CACNA1C: variants seen among roughly 807,000 people sequenced by gnomAD.
The protein encoded by CACNA1C is voltage-dependent L-type calcium channel subunit alpha-1C.
CACNA1C carries 30 observed loss-of-function variants against 229.0 expected under a neutral mutation model. That is an observed-to-expected ratio of 0.13 (90% CI 0.10 to 0.18). The LOEUF (loss-of-function observed/expected upper bound fraction) is 0.18. Ranked by LOEUF, CACNA1C falls within the 10% of genes least tolerant of loss-of-function variation. The pLI is 1.00. For synonymous variants in CACNA1C, 1,114 were observed against 1,132.5 expected (o/e 0.98, Z 0.33); for missense variants, 1,658 against 2,845.0 (o/e 0.58, Z 9.49).
At position 2,692,147 on chromosome 12, in the gene CACNA1C, A is replaced by G. The variant is rs2097795944; in HGVS notation, c.*948A>G. 2.0e-5 allele frequency: 3 copies of G among 152,104 alleles called. No homozygotes were observed. Among genetic ancestry groups the G allele is most frequent in the South Asian group, 2.1e-4 (1 of 4,826 alleles). 9.4% of individuals were successfully genotyped at this position (152,104 alleles called of 1,614,324 possible). The stretch of plus-strand genomic sequence containing the variant: ...GAGGTTCAATAGAAGCCGCTGCAGG[A>G]GAGTTTTACCAACCATTGTGTATGC... On this transcript the variant is annotated 3_prime_UTR_variant, in exon 47 of 47. Transcript: ENST00000399655.
rs376017868 is a variant in CACNA1C, at chr12:2,389,829, C to T, written c.478-59147C>T. Among the ~76,000 whole-genome samples, 18 of 152,246 alleles carry T rather than the reference C, an allele frequency of 1.2e-4. No homozygotes were observed. The East Asian group carries it at 1.4e-3, about 11-fold the overall frequency. On this transcript the variant is annotated intron_variant, in intron 3 of 46. Transcript: ENST00000399655. ...CCTCGTTCTTCCAACCCTCCGGCAC[C>T]GAATCCCTCCTTTCACTCCCTCTGT...
chr12:2,409,614 A>T (rs952032900), intron 3 of CACNA1C, among the ~76,000 whole-genome samples: 2 of 152,238 alleles, frequency 1.3e-5, no homozygotes, highest in African/African-American at 4.8e-5. Flanking sequence ...GCAAAAACCA[A>T]ATTAGAAATG....
At chr12:2,204,862 G>A (rs1211365439) in intron 3 of CACNA1C, among the ~76,000 whole-genome samples, 1 of 146,872 alleles carries the variant, frequency 6.8e-6, no homozygotes, top group Non-Finnish European at 1.5e-5. Flanking sequence ...GTTAGTGGGT[G>A]CAGCGCACCA....
At chr12:2,301,674 G>A (rs2094570643) in intron 3 of CACNA1C, among the ~76,000 whole-genome samples, 2 of 152,118 alleles carry the variant, frequency 1.3e-5, no homozygotes, top group African/African-American at 4.8e-5. Flanking sequence ...GAATGTTCTG[G>A]GCGACCTGTG....
intron 3 of CACNA1C, among the ~76,000 whole-genome samples, chr12:2,408,869 A>G (rs1237917183): frequency 6.6e-6 from 1 of 152,210 alleles, no homozygotes; most frequent in East Asian, 1.9e-4. Flanking sequence ...GAAACCTTGC[A>G]TTGATATTTC....
At chr12:2,412,358 A>C (rs2098817532) in intron 3 of CACNA1C, among the ~76,000 whole-genome samples, 2 of 152,232 alleles carry the variant, frequency 1.3e-5, no homozygotes, top group South Asian at 4.1e-4. Context: ...TTTGTACTCC[A>C]TTAAGTGCTC....
At chr12:2,314,488 G>T (rs900601799) in intron 3 of CACNA1C, among the ~76,000 whole-genome samples, 1 of 152,120 alleles carries the variant, frequency 6.6e-6, no homozygotes. Flanking sequence ...CACACCTCTC[G>T]TGCCCCAACT....
intron 1 of CACNA1C, among the ~76,000 whole-genome samples, chr12:2,030,243 A>G (rs932259748): frequency 1.3e-5 from 2 of 152,252 alleles, no homozygotes; most frequent in African/African-American, 4.8e-5. Flanking sequence ...TCACCATATT[A>G]ATCAGGCCCA....
intron 3 of CACNA1C, among the ~76,000 whole-genome samples, chr12:2,389,311 G>C (rs1555511482): frequency 2.0e-5 from 3 of 152,084 alleles, no homozygotes; most frequent in Non-Finnish European, 4.4e-5. Flanking sequence ...CTGAGGCAGA[G>C]GTCAGAGCAC....
chr12:2,439,712 G>C lies in CACNA1C; in HGVS notation c.478-9264G>C, dbSNP rs1432925100. Reference sequence around the variant, plus strand: ...ACAGAGAAAGAGATAAGTTTGAGAAGGGTTTTTTTTTTTTTAATTGAGCTA... The same window carrying C: ...ACAGAGAAAGAGATAAGTTTGAGAACGGTTTTTTTTTTTTTAATTGAGCTA... On this transcript the variant is annotated intron_variant, in intron 3 of 46. Coordinates refer to ENST00000399655, the MANE Select transcript of CACNA1C (RefSeq NM_000719.7). Among the ~76,000 whole-genome samples the C allele has an allele frequency of 2.0e-5, 3 of 151,628 alleles. No homozygotes were observed. In the South Asian group the frequency reaches 6.3e-4, roughly 32 times the overall value.
intron 10 of CACNA1C, among the ~76,000 whole-genome samples, chr12:2,552,013 G>T (rs1007038271): frequency 6.6e-6 from 1 of 152,208 alleles, no homozygotes; most frequent in Non-Finnish European, 1.5e-5. Context: ...GATAGGACGG[G>T]TTGTTCAGAG....
Position 2,053,499 on chromosome 12 carries a change from G to A in CACNA1C, c.-64G>A. ...GAGGAGGGATTAATCCAGACCCGCC[G>A]GGGGGTGTTTTCACATTTCTTCCTC... On this transcript the variant is annotated 5_prime_UTR_variant, in exon 1 of 47. Coordinates refer to ENST00000399655, the MANE Select transcript of CACNA1C (RefSeq NM_000719.7). The surrounding 1 kb of genome is among the most constrained non-coding windows in gnomAD (Gnocchi z 5.8). 1 of 1,535,728 alleles carries A rather than the reference G, an allele frequency of 6.5e-7. No individual in the cohort carries two copies. The highest frequency in any genetic ancestry group is 1.2e-5 in the South Asian group (1 of 81,830).
Position 2,108,584 on chromosome 12 carries a change from A to T in CACNA1C, c.50-6640A>T, listed in dbSNP as rs371311374. Among the ~76,000 whole-genome samples the T allele has an allele frequency of 1.2e-4, 18 of 152,226 alleles. No homozygotes were observed. The South Asian group carries it at 2.7e-3, about 23-fold the overall frequency. On this transcript the variant is annotated intron_variant, in intron 1 of 46. Coordinates refer to ENST00000399655, the MANE Select transcript of CACNA1C (RefSeq NM_000719.7). The surrounding 1 kb of genome is among the most constrained non-coding windows in gnomAD (Gnocchi z 5.3). ...TTGTGTTTAGCCCTCTGGCCCCTGC[A>T]GTCCAGCGGGGCACCGTAGGAGGAG... is the stretch of plus-strand genomic sequence containing the variant.
intron 3 of CACNA1C, among the ~76,000 whole-genome samples, chr12:2,137,761 T>C (rs1187109592): frequency 6.6e-6 from 1 of 151,308 alleles, no homozygotes; most frequent in Non-Finnish European, 1.5e-5. Flanking sequence ...AACTTAGAGA[T>C]GCAAAAGAAC....
At chr12:2,399,528 C>A (rs2098645323) in intron 3 of CACNA1C, among the ~76,000 whole-genome samples, 1 of 152,188 alleles carries the variant, frequency 6.6e-6, no homozygotes, top group South Asian at 2.1e-4. Context: ...CCAACCATCC[C>A]CGGCTGAACT....
At chr12:2,305,989 C>T (rs1481743541) in intron 3 of CACNA1C, among the ~76,000 whole-genome samples, 1 of 152,196 alleles carries the variant, frequency 6.6e-6, no homozygotes, top group Non-Finnish European at 1.5e-5. Flanking sequence ...CGACCTTCTC[C>T]ACTTTACAGT....
At position 2,611,817 on chromosome 12, in the gene CACNA1C, G is replaced by A. The variant is rs2153455502; in HGVS notation, c.3718-86G>A. ...TCAAGGAAGGTCTTGCTGAGGCGAG[G>A]GCCTTCGAGAAGGCTGGGCAAAAGG... On this transcript the variant is annotated intron_variant, in intron 28 of 46. Transcript: ENST00000399655. The A allele has an allele frequency of 3.8e-6, 3 of 794,310 alleles. No individual in the cohort carries two copies. The East Asian group carries it at 7.8e-5, about 21-fold the overall frequency. 49.2% of individuals were successfully genotyped at this position (794,310 alleles called of 1,614,324 possible). A position where few individuals can be genotyped will look rare whatever the true frequency, so the allele number is the denominator to read the frequency against.
chr12:2,563,610 T>C (rs554236754), intron 11 of CACNA1C, among the ~76,000 whole-genome samples: 7 of 152,238 alleles, frequency 4.6e-5, no homozygotes, highest in Non-Finnish European at 1.0e-4. Flanking sequence ...CTCTTCACTC[T>C]CCTAACCTCA....
intron 1 of CACNA1C, among the ~76,000 whole-genome samples, chr12:2,028,646 C>T (rs1233660892): frequency 6.6e-6 from 1 of 152,124 alleles, no homozygotes; most frequent in Admixed American, 6.5e-5. Flanking sequence ...AGGTTAAGCA[C>T]GTAGACTCTG....
Sources: gnomAD v4.1 joint callset for allele counts (sites outside exome capture counted in the v4.1 genomes callset) on GRCh38, gnomAD v4.1.1 for gene constraint, Gnocchi (gnomAD v3.1) non-coding constraint, MANE v1.5 for transcripts, NCBI Gene and HGNC (gene_info 2026-07-23, HGNC 2026-07-21) for gene names.